IFRD1: variants seen among roughly 807,000 people sequenced by gnomAD.
The protein encoded by IFRD1 is interferon-related developmental regulator 1.
A neutral mutation model predicts 52.9 loss-of-function variants in IFRD1; 35 were observed. The ratio of observed to expected loss-of-function variants is 0.66; its 90% CI spans 0.51 to 0.88. IFRD1 has a LOEUF of 0.88. Among genes scored for constraint, IFRD1 ranks in the 40% least tolerant of loss-of-function variants. IFRD1 has a pLI of 0.00. For missense variants in IFRD1, 517 were observed against 550.8 expected (o/e 0.94, Z 0.61); for synonymous variants, 184 against 188.4 (o/e 0.98, Z 0.19).
intron 1 of IFRD1, among the ~76,000 whole-genome samples, chr7:112,432,684 T>A (rs541046626): frequency 6.6e-6 from 1 of 152,188 alleles, no homozygotes; most frequent in Non-Finnish European, 1.5e-5. Context: ...TGGACACACA[T>A]CAGCCTGGCT....
At chr7:112,452,505 C>G in intron 1 of IFRD1, 1 of 935,326 alleles carries the variant, frequency 1.1e-6, no homozygotes, top group Non-Finnish European at 1.3e-6. Flanking sequence ...TGAATTCTTT[C>G]TAGAAGGTAT....
At chr7:112,459,928 G>C (rs980111649) in intron 5 of IFRD1, among the ~76,000 whole-genome samples, 1 of 152,182 alleles carries the variant, frequency 6.6e-6, no homozygotes, top group African/African-American at 2.4e-5. Flanking sequence ...AGTAATCTCT[G>C]TGCCCTCCAG....
At chr7:112,450,975 T>C (rs942948772) in intron 1 of IFRD1, 193 bp downstream of exon 1, 2 of 617,292 alleles carry the variant, frequency 3.2e-6, no homozygotes, top group African/African-American at 3.7e-5. Context: ...AGATCTGGCG[T>C]GCGAACCGGA....
chr7:112,473,380 A>C (rs11514940), intron 11 of IFRD1, among the ~76,000 whole-genome samples: 70,229 of 151,650 alleles, frequency 0.46, 16,700 homozygotes, highest in Non-Finnish European at 0.51. Flanking sequence ...ACAAATGAGG[A>C]AACTTAAGAG....
At position 112,462,309 on chromosome 7, in the gene IFRD1, T is replaced by C. The variant is rs1290486676; in HGVS notation, c.837T>C (p.Asp279=). 1.9e-6 allele frequency: 3 copies of C among 1,613,760 alleles called. No homozygotes were observed. Among genetic ancestry groups the C allele is most frequent in the Non-Finnish European group, 2.5e-6 (3 of 1,179,848 alleles). ...HKLPSLLSCD[D]VNMRIAAGES... is the part of the protein sequence containing the mutation. ...TTCCAAGCCTCCTCTCTTGTGATGA[T>C]GTAAACATGAGAATAGCTGCTGGTG... is the stretch of plus-strand genomic sequence containing the variant. Residue 279 remains aspartate, a synonymous_variant, in exon 8 of 12, where the codon GAT becomes GAC. Transcript: ENST00000403825.
Position 112,458,896 on chromosome 7 carries a change from G to A in IFRD1, c.445G>A (p.Ala149Thr). 1 of 1,614,050 alleles carries A rather than the reference G, an allele frequency of 6.2e-7. No individual in the cohort carries two copies. Among genetic ancestry groups the A allele is most frequent in the Non-Finnish European group, 8.5e-7 (1 of 1,179,954 alleles). Reference sequence around the variant, plus strand: ...TGAGCAACGTGCAGCTGCAGCGTTAGCATCTGTTCTTTGTATTCAGCTGGG... The same window carrying A: ...TGAGCAACGTGCAGCTGCAGCGTTAACATCTGTTCTTTGTATTCAGCTGGG... ...SDEQRAAAAL[A>T]SVLCIQLGPG... The change falls in exon 5 of 12, where the codon GCA becomes ACA. Residue 149 changes from alanine to threonine, a missense_variant. By Grantham distance (58) the Ala-to-Thr change is moderately conservative. Transcript: ENST00000403825.
chr7:112,445,119 T>G (rs1794989538), intron 1 of IFRD1, among the ~76,000 whole-genome samples: 1 of 139,486 alleles, frequency 7.2e-6, no homozygotes, highest in South Asian at 2.2e-4. Context: ...CAGGCTGGAG[T>G]GCAGTGGCGC....
At chr7:112,434,587 A>T (rs1794627371) in intron 1 of IFRD1, among the ~76,000 whole-genome samples, 1 of 152,262 alleles carries the variant, frequency 6.6e-6, no homozygotes, top group East Asian at 1.9e-4. Flanking sequence ...AGATTAACTT[A>T]GCAATTAAGT....
Position 112,475,727 on chromosome 7 carries a change from G to GT in IFRD1, c.*209dup. On this transcript the variant is annotated 3_prime_UTR_variant, in exon 12 of 12. Transcript: ENST00000403825. ...CTGTAAATCAGTAAACATGTATAAA[G>GT]TATTTGTAATGTTTGGTCATAATTT... 2.0e-6 allele frequency: 1 copy of GT among 511,538 alleles called. No homozygotes were observed. Among genetic ancestry groups the GT allele is most frequent in the Non-Finnish European group, 3.4e-6 (1 of 290,888 alleles). 31.7% of individuals were successfully genotyped at this position (511,538 alleles called of 1,614,324 possible). A position where few individuals can be genotyped will look rare whatever the true frequency, so the allele number is the denominator to read the frequency against.
At chr7:112,470,114 G>A (rs1795709604) in intron 9 of IFRD1, among the ~76,000 whole-genome samples, 1 of 152,022 alleles carries the variant, frequency 6.6e-6, no homozygotes, top group African/African-American at 2.4e-5. Flanking sequence ...TGAGGCTCAC[G>A]GATTCCTCAA....
At chr7:112,450,289 CGGACGGAAGA>C, upstream of IFRD1, 1 of 207,798 alleles carries the variant, frequency 4.8e-6, no homozygotes, top group South Asian at 5.7e-5. Context: ...TCCCTGGGCG[CGGACGGAAGA>C]CTGGCCGCAT....
rs1183143924 is a variant in IFRD1 at position 112,453,594 on chromosome 7, G to A, written c.95-2169G>A. Among the ~76,000 whole-genome samples the A allele has an allele frequency of 3.9e-5, 6 of 152,102 alleles. No individual in the cohort carries two copies. The East Asian group carries it at 9.6e-4, about 24-fold the overall frequency. On this transcript the variant is annotated intron_variant, in intron 1 of 11. Transcript: ENST00000403825. Reference sequence around the variant, plus strand: ...ACTGTGAATTGACTTGTGAATAAATGTTAATAAAATTAATCAGATGACACT... The same window carrying A: ...ACTGTGAATTGACTTGTGAATAAATATTAATAAAATTAATCAGATGACACT...
chr7:112,468,184 T>C (rs1278150255), intron 9 of IFRD1, 69 bp downstream of exon 9: 1 of 1,478,370 alleles, frequency 6.8e-7, no homozygotes, highest in Non-Finnish European at 9.4e-7. Context: ...AACTTGACAA[T>C]TGTACCATTT....
At chr7:112,435,923 C>T (rs1429122725) in intron 1 of IFRD1, among the ~76,000 whole-genome samples, 7 of 149,242 alleles carry the variant, frequency 4.7e-5, no homozygotes, top group South Asian at 2.1e-4. Flanking sequence ...TGCTCTGTTG[C>T]CCAGGCTGGA....
At chr7:112,424,481 C>A (rs1365974430) in intron 1 of IFRD1, among the ~76,000 whole-genome samples, 2 of 151,366 alleles carry the variant, frequency 1.3e-5, no homozygotes, top group Non-Finnish European at 2.9e-5. Context: ...ATGGCACGAT[C>A]TTGACTCATT....
At chr7:112,456,438 C>T (rs1313136688) in intron 3 of IFRD1, among the ~76,000 whole-genome samples, 3 of 152,052 alleles carry the variant, frequency 2.0e-5, no homozygotes, top group African/African-American at 7.2e-5. Flanking sequence ...CGAAACCTTG[C>T]TTTAAGCTGC....
At chr7:112,437,612 A>G (rs1358396683) in intron 1 of IFRD1, among the ~76,000 whole-genome samples, 1 of 151,832 alleles carries the variant, frequency 6.6e-6, no homozygotes, top group Non-Finnish European at 1.5e-5. Flanking sequence ...CTGACTTCAG[A>G]AAATGTACCT....
At position 112,472,117 on chromosome 7, in the gene IFRD1, A is replaced by G. The variant is rs115209257; in HGVS notation, c.1042-102A>G. 8.5e-4 allele frequency: 1,024 copies of G among 1,208,694 alleles called. 5 individuals are homozygous for G. The African/African-American group carries it at 0.013, about 15-fold the overall frequency. The allele number at this position is 1,208,694 out of a possible 1,614,324, so 74.9% of individuals were successfully genotyped here. ...AGTATCAGTTTAAGCCATATTGTTC[A>G]TTTATCTCAGCATGTATATGACTGT... On this transcript the variant is annotated intron_variant, in intron 9 of 11. Transcript: ENST00000403825.
chr7:112,427,950 A>G (rs1398844575), intron 1 of IFRD1, among the ~76,000 whole-genome samples: 3 of 152,092 alleles, frequency 2.0e-5, no homozygotes, highest in Non-Finnish European at 2.9e-5. Context: ...GGAGCACTGT[A>G]TGTGTCATTA....
Sources: gnomAD v4.1 joint callset for allele counts (sites outside exome capture counted in the v4.1 genomes callset) on GRCh38, gnomAD v4.1.1 for gene constraint, MANE v1.5 for transcripts, NCBI Gene and HGNC (gene_info 2026-07-23, HGNC 2026-07-21) for gene names.